CDH23: variants seen among roughly 807,000 people sequenced by gnomAD.
CDH23 encodes cadherin related 23, also known as cadherin-23.
Under a neutral mutation model 317.1 loss-of-function variants are expected in CDH23, and 189 were observed. That is an observed-to-expected ratio of 0.60 (90% confidence interval 0.53 to 0.67). CDH23 has a LOEUF of 0.67. Ranked by LOEUF, CDH23 falls within the 30% of genes least tolerant of loss-of-function variation. The pLI, the probability that CDH23 is intolerant of heterozygous loss-of-function variation, is 0.00. For missense variants in CDH23, 4,401 were observed against 4,592.4 expected (o/e 0.96, Z 1.20); for synonymous variants, 1,839 against 1,876.8 (o/e 0.98, Z 0.52).
chr10:71,404,120 G>A (rs928780970), intron 1 of CDH23, among the ~76,000 whole-genome samples: 8 of 152,188 alleles, frequency 5.3e-5, no homozygotes, highest in East Asian at 3.9e-4. Context: ...ATAAATTCAC[G>A]GAAGAATACA....
At chr10:71,752,244 C>T (rs1564775270) in intron 38 of CDH23, among the ~76,000 whole-genome samples, 1 of 152,238 alleles carries the variant, frequency 6.6e-6, no homozygotes, top group African/African-American at 2.4e-5. Flanking sequence ...TCCCCAAAGC[C>T]TGTCTTGAGC....
intron 4 of CDH23, 31 bp downstream of exon 4, chr10:71,510,255 C>A (rs993390335): frequency 1.9e-6 from 3 of 1,607,812 alleles, no homozygotes; most frequent in African/African-American, 1.3e-5. Context: ...TGCCCCAATT[C>A]TCTCCTGGGG....
At chr10:71,716,028 G>C (rs945675362) in intron 28 of CDH23, 1 of 1,502,762 alleles carries the variant, frequency 6.7e-7, no homozygotes, top group South Asian at 1.3e-5. Flanking sequence ...CGGCCATGGC[G>C]GAAGCTGTGC....
chr10:71,648,621 G>A (rs1027478402), intron 14 of CDH23, among the ~76,000 whole-genome samples: 10 of 152,132 alleles, frequency 6.6e-5, no homozygotes, highest in Non-Finnish European at 1.3e-4. Context: ...GGTCGGTGGT[G>A]CCAAGGACAG....
chr10:71,628,413 C>A (rs940123709), intron 11 of CDH23, among the ~76,000 whole-genome samples: 3 of 152,250 alleles, frequency 2.0e-5, no homozygotes, highest in African/African-American at 7.2e-5. Flanking sequence ...TCTGTCCATG[C>A]AGGCTTAGGG....
At chr10:71,490,000 G>A (rs1047343223) in intron 3 of CDH23, among the ~76,000 whole-genome samples, 5 of 151,922 alleles carry the variant, frequency 3.3e-5, no homozygotes, top group Non-Finnish European at 5.9e-5. Context: ...ATAAGGGGGA[G>A]GTTCTTTGGG....
At chr10:71,710,678 A>G (rs1204698867) in intron 27 of CDH23, among the ~76,000 whole-genome samples, 6 of 152,244 alleles carry the variant, frequency 3.9e-5, no homozygotes, top group Non-Finnish European at 8.8e-5. Context: ...AGGGGTGCCC[A>G]CTGCAGCCTT....
chr10:71,515,151 C>G (rs1854216665), intron 6 of CDH23, among the ~76,000 whole-genome samples: 1 of 152,150 alleles, frequency 6.6e-6, no homozygotes, highest in African/African-American at 2.4e-5. Context: ...GTCAGGGAAT[C>G]TGGAGGACCT....
At chr10:71,493,044 A>G (rs1247909482) in intron 3 of CDH23, among the ~76,000 whole-genome samples, 1 of 152,202 alleles carries the variant, frequency 6.6e-6, no homozygotes, top group Non-Finnish European at 1.5e-5. Context: ...CACACTACTC[A>G]GCAGTGCTGA....
chr10:71,807,087 T>C (rs546968935), intron 57 of CDH23, among the ~76,000 whole-genome samples, 190 bp from the exon 58 acceptor site: 1 of 152,334 alleles, frequency 6.6e-6, no homozygotes, highest in African/African-American at 2.4e-5. Context: ...CAACACTCCG[T>C]GAGGGCAGAG....
At chr10:71,743,682 G>A (rs1440816522) in intron 38 of CDH23, among the ~76,000 whole-genome samples, 3 of 152,120 alleles carry the variant, frequency 2.0e-5, no homozygotes, top group African/African-American at 7.2e-5. Context: ...TGTTAACGTG[G>A]GAGGACCCAG....
At chr10:71,414,199 C>A (rs186208698) in intron 1 of CDH23, among the ~76,000 whole-genome samples, 11 of 152,174 alleles carry the variant, frequency 7.2e-5, no homozygotes, top group Middle Eastern at 3.4e-3. Flanking sequence ...ATTGCTCTGG[C>A]TACAACGTCC....
intron 3 of CDH23, among the ~76,000 whole-genome samples, chr10:71,500,958 C>A (rs1853297089): frequency 6.6e-6 from 1 of 151,982 alleles, no homozygotes; most frequent in African/African-American, 2.4e-5. Flanking sequence ...TGACCTCTGC[C>A]TCCTGGGCTC....
At chr10:71,758,485 C>A (rs939215019) in intron 38 of CDH23, among the ~76,000 whole-genome samples, 3 of 152,232 alleles carry the variant, frequency 2.0e-5, no homozygotes, top group African/African-American at 7.2e-5. Flanking sequence ...CAGCGCCAGG[C>A]ACCCTTAGGG....
intron 6 of CDH23, among the ~76,000 whole-genome samples, chr10:71,523,257 G>C (rs1013530987): frequency 6.6e-6 from 1 of 152,162 alleles, no homozygotes; most frequent in Non-Finnish European, 1.5e-5. Flanking sequence ...AAATCTTTAA[G>C]GGCTCCTTAG....
intron 6 of CDH23, among the ~76,000 whole-genome samples, chr10:71,513,397 G>A (rs988279842): frequency 8.5e-5 from 13 of 152,232 alleles, no homozygotes; most frequent in Non-Finnish European, 1.5e-4. Flanking sequence ...CCCCTGCCCC[G>A]GAAATGAGCC....
chr10:71,481,720 C>T (rs908247755), intron 3 of CDH23, among the ~76,000 whole-genome samples: 2 of 152,248 alleles, frequency 1.3e-5, no homozygotes, highest in African/African-American at 4.8e-5. Context: ...GGATCAGTTT[C>T]TCCTCCACAA....
At chr10:71,623,233 G>T (rs1564693694) in intron 11 of CDH23, among the ~76,000 whole-genome samples, 1 of 152,260 alleles carries the variant, frequency 6.6e-6, no homozygotes, top group Admixed American at 6.5e-5. Context: ...CTTCAGAAAG[G>T]TGCTGTTGGA....
chr10:71,657,780 C>T (rs1015748861), intron 14 of CDH23, among the ~76,000 whole-genome samples: 44 of 151,296 alleles, frequency 2.9e-4, no homozygotes, highest in African/African-American at 1.1e-3. Context: ...TCATTGTTCT[C>T]AAACCCTTGA....
Sources: gnomAD v4.1 joint callset for allele counts (sites outside exome capture counted in the v4.1 genomes callset) on GRCh38, gnomAD v4.1.1 for gene constraint, MANE v1.5 for transcripts, NCBI Gene and HGNC (gene_info 2026-07-23, HGNC 2026-07-21) for gene names.